Variants in CAMKMT observed in about 807,000 individuals in gnomAD.
The protein encoded by CAMKMT is CaM KMT.
Under a neutral mutation model 48.0 loss-of-function variants are expected in CAMKMT, and 53 were observed. The ratio of observed to expected loss-of-function variants is 1.10; its 90% CI spans 0.89 to 1.39. The LOEUF (loss-of-function observed/expected upper bound fraction) is 1.39. Among genes scored for constraint, CAMKMT ranks in the 40% most tolerant of loss-of-function variants. CAMKMT has a pLI of 0.00. For synonymous variants in CAMKMT, 165 were observed against 152.3 expected (o/e 1.08, Z -0.61); for missense variants, 428 against 402.7 (o/e 1.06, Z -0.54).
intron 7 of CAMKMT, among the ~76,000 whole-genome samples, chr2:44,729,116 C>A (rs142071157): frequency 6.6e-6 from 1 of 151,556 alleles, no homozygotes; most frequent in Non-Finnish European, 1.5e-5. Context: ...AATACGGGGT[C>A]ATTCCAGAGA....
chr2:44,577,434 C>T (rs1669283438), intron 3 of CAMKMT, among the ~76,000 whole-genome samples: 1 of 152,058 alleles, frequency 6.6e-6, no homozygotes, highest in Admixed American at 6.6e-5. Context: ...GCCTAGGCAA[C>T]ATGATGAGAC....
intron 3 of CAMKMT, among the ~76,000 whole-genome samples, chr2:44,702,100 A>C (rs1677291858): frequency 6.6e-6 from 1 of 152,184 alleles, no homozygotes; most frequent in South Asian, 2.1e-4. Flanking sequence ...ATCAAGGCTT[A>C]AATTTTAGTT....
At chr2:44,638,318 T>C (rs17318138) in intron 3 of CAMKMT, among the ~76,000 whole-genome samples, 20,367 of 152,122 alleles carry the variant, frequency 0.13, 1,546 homozygotes, top group Admixed American at 0.23. Context: ...GGTGTTTTTT[T>C]CCCAAGATCT....
chr2:44,532,587 TAA>T (rs892305974), intron 3 of CAMKMT, among the ~76,000 whole-genome samples: 6 of 152,068 alleles, frequency 3.9e-5, no homozygotes, highest in African/African-American at 1.4e-4. Flanking sequence ...GGCATGGAAA[TAA>T]ACAGTGACAA....
In CAMKMT at chr2:44,556,773, T is replaced by A. The variant is rs1267655656; in HGVS notation, c.377-147510T>A. 1.4e-5 allele frequency among the ~76,000 whole-genome samples: 2 copies of A among 140,998 alleles called. 1 individual carries two copies. Among genetic ancestry groups the A allele is most frequent in the Non-Finnish European group, 3.1e-5 (2 of 64,496 alleles). The allele number at this position is 140,998 out of a possible 152,430, so 92.5% of individuals were successfully genotyped here. On this transcript the variant is annotated intron_variant, in intron 3 of 10. Coordinates refer to ENST00000378494, the MANE Select transcript of CAMKMT (RefSeq NM_024766.5). ...CGTGAGCCACCGCGCCCGGCCCTCT[T>A]TTTTTTTTTTAAAGGATTAATCCGC...
chr2:44,715,630 G>A (rs1298200511), intron 7 of CAMKMT, among the ~76,000 whole-genome samples: 3 of 152,186 alleles, frequency 2.0e-5, no homozygotes, highest in African/African-American at 7.2e-5. Flanking sequence ...GTATGAGGTT[G>A]GGAGAAGCCA....
At chr2:44,569,487 C>T (rs754599764) in intron 3 of CAMKMT, among the ~76,000 whole-genome samples, 15 of 152,064 alleles carry the variant, frequency 9.9e-5, no homozygotes, top group Non-Finnish European at 1.9e-4. Flanking sequence ...AATCTGTGTA[C>T]TGTTACTATT....
At chr2:44,680,406 T>C (rs1178196054) in intron 3 of CAMKMT, among the ~76,000 whole-genome samples, 1 of 152,154 alleles carries the variant, frequency 6.6e-6, no homozygotes, top group Non-Finnish European at 1.5e-5. Context: ...GGATGTTATT[T>C]CATAAGGACA....
chr2:44,611,310 G>A (rs1671585460), intron 3 of CAMKMT, among the ~76,000 whole-genome samples: 1 of 152,030 alleles, frequency 6.6e-6, no homozygotes, highest in Non-Finnish European at 1.5e-5. Flanking sequence ...GTACACACCT[G>A]TAATCCCAGC....
chr2:44,549,325 C>A (rs1277112773), intron 3 of CAMKMT, among the ~76,000 whole-genome samples: 1 of 151,984 alleles, frequency 6.6e-6, no homozygotes, highest in East Asian at 1.9e-4. Context: ...TATGGGAATT[C>A]TCTGCCAGAT....
At chr2:44,764,033 T>G (rs533751737) in intron 9 of CAMKMT, among the ~76,000 whole-genome samples, 20 of 152,164 alleles carry the variant, frequency 1.3e-4, no homozygotes, top group African/African-American at 4.1e-4. Flanking sequence ...CCCTGTTGTT[T>G]TTTTTTTTCT....
intron 3 of CAMKMT, among the ~76,000 whole-genome samples, chr2:44,491,715 T>A (rs558448295): frequency 6.6e-6 from 1 of 152,180 alleles, no homozygotes; most frequent in Admixed American, 6.5e-5. Context: ...TTTATGGCTA[T>A]GAGGGCAGAC....
At chr2:44,755,347 G>T (rs1680327090) in intron 9 of CAMKMT, among the ~76,000 whole-genome samples, 1 of 152,196 alleles carries the variant, frequency 6.6e-6, no homozygotes, top group South Asian at 2.1e-4. Flanking sequence ...GAGGACAGAA[G>T]AAGGAATTTT....
At chr2:44,601,890 C>G (rs1199379568) in intron 3 of CAMKMT, among the ~76,000 whole-genome samples, 1 of 151,982 alleles carries the variant, frequency 6.6e-6, no homozygotes, top group East Asian at 1.9e-4. Flanking sequence ...GAGGTAATAG[C>G]TTAACATATG....
intron 3 of CAMKMT, among the ~76,000 whole-genome samples, chr2:44,453,555 G>A (rs1667405497): frequency 1.3e-5 from 2 of 152,072 alleles, no homozygotes; most frequent in Non-Finnish European, 2.9e-5. Context: ...TTGACAGCTT[G>A]GCAATGAAAT....
intron 3 of CAMKMT, among the ~76,000 whole-genome samples, chr2:44,427,001 A>C (rs1684319566): frequency 6.6e-6 from 1 of 152,172 alleles, no homozygotes; most frequent in Non-Finnish European, 1.5e-5. Context: ...AGAATAGAGA[A>C]TCCTGAAATA....
chr2:44,521,320 C>A (rs941657371), intron 3 of CAMKMT, among the ~76,000 whole-genome samples: 1 of 152,006 alleles, frequency 6.6e-6, no homozygotes, highest in Non-Finnish European at 1.5e-5. Flanking sequence ...TGCTCTGTTG[C>A]CAGGCTGGAG....
At position 44,711,806 on chromosome 2, in the gene CAMKMT, C is replaced by G. The variant is rs532805149; in HGVS notation, c.557-3481C>G. On this transcript the variant is annotated intron_variant, in intron 6 of 10. Transcript: ENST00000378494. ...ACACGTGATACTCCATTAAGCCTAA[C>G]AAATAGGTATCATTACTTCTGTTTT... Among the ~76,000 whole-genome samples, 29 of 152,300 alleles carry G rather than the reference C, an allele frequency of 1.9e-4. No individual in the cohort carries two copies. The South Asian group carries it at 6.0e-3, about 32-fold the overall frequency.
At chr2:44,650,111 A>G (rs1382152868) in intron 3 of CAMKMT, among the ~76,000 whole-genome samples, 2 of 152,170 alleles carry the variant, frequency 1.3e-5, no homozygotes, top group Non-Finnish European at 2.9e-5. Context: ...AAACAACAAA[A>G]TTATTCTTTC....
Sources: gnomAD v4.1 joint callset for allele counts (sites outside exome capture counted in the v4.1 genomes callset) on GRCh38, gnomAD v4.1.1 for gene constraint, MANE v1.5 for transcripts, NCBI Gene and HGNC (gene_info 2026-07-23, HGNC 2026-07-21) for gene names.